PRKCB: variants seen among roughly 807,000 people sequenced by gnomAD.
PRKCB encodes the protein protein kinase C beta.
In PRKCB, 13 loss-of-function variants were observed where a neutral mutation model predicts 81.5. The observed-to-expected ratio is 0.16, with a 90% confidence interval of 0.10 to 0.25. The LOEUF (loss-of-function observed/expected upper bound fraction) is 0.25. Among genes scored for constraint, PRKCB ranks in the 10% least tolerant of loss-of-function variants. The pLI is 1.00. For synonymous variants in PRKCB, 335 were observed against 321.4 expected (o/e 1.04, Z -0.45); for missense variants, 509 against 875.7 (o/e 0.58, Z 5.29).
intron 9 of PRKCB, among the ~76,000 whole-genome samples, chr16:24,134,396 G>C (rs1966858443): frequency 6.6e-6 from 1 of 152,078 alleles, no homozygotes; most frequent in African/African-American, 2.4e-5. Flanking sequence ...AGGAGTTCAA[G>C]ACCAGCCCAG....
chr16:24,060,496 T>G (rs1047677097), intron 5 of PRKCB, among the ~76,000 whole-genome samples: 1 of 152,198 alleles, frequency 6.6e-6, no homozygotes, highest in Non-Finnish European at 1.5e-5. Context: ...CTACAATGTT[T>G]CCTTGTGTAG....
At chr16:23,855,779 A>G (rs1352333013) in intron 2 of PRKCB, among the ~76,000 whole-genome samples, 1 of 152,226 alleles carries the variant, frequency 6.6e-6, no homozygotes, top group Non-Finnish European at 1.5e-5. Context: ...GCCCTTCAGA[A>G]CTGGGACAAG....
Position 23,836,151 on chromosome 16 carries a change from C to G in PRKCB, c.-25C>G, listed in dbSNP as rs188342168. 6.9e-7 allele frequency: 1 copy of G among 1,452,410 alleles called. No homozygotes were observed. Among genetic ancestry groups the G allele is most frequent in the African/African-American group, 1.5e-5 (1 of 66,998 alleles). 90.0% of individuals were successfully genotyped at this position (1,452,410 alleles called of 1,614,324 possible). ...CCGCGGCCCCGGGGCCGGCACCTCT[C>G]GGGCTCCGGCTCCCCGCGCGCAAGA... On this transcript the variant is annotated 5_prime_UTR_variant, in exon 1 of 17. Coordinates refer to ENST00000643927, the MANE Select transcript of PRKCB (RefSeq NM_002738.7).
At chr16:24,045,392 T>G (rs966257641) in intron 5 of PRKCB, among the ~76,000 whole-genome samples, 1 of 152,172 alleles carries the variant, frequency 6.6e-6, no homozygotes, top group African/African-American at 2.4e-5. Context: ...TTGATGTTTT[T>G]TGCCTTCTTT....
At chr16:23,969,114 G>A (rs1171919416) in intron 2 of PRKCB, among the ~76,000 whole-genome samples, 1 of 152,152 alleles carries the variant, frequency 6.6e-6, no homozygotes, top group Non-Finnish European at 1.5e-5. Flanking sequence ...AGGTTGCAGT[G>A]AGCTGAGATC....
intron 2 of PRKCB, among the ~76,000 whole-genome samples, chr16:23,952,771 A>C (rs120908): frequency 0.55 from 83,000 of 152,048 alleles, 23,516 homozygotes; most frequent in Non-Finnish European, 0.63. Flanking sequence ...AATGTGTGAA[A>C]AAATAGTAAA....
intron 5 of PRKCB, among the ~76,000 whole-genome samples, chr16:24,087,398 A>G (rs1486991044): frequency 1.3e-5 from 2 of 152,182 alleles, no homozygotes; most frequent in African/African-American, 4.8e-5. Flanking sequence ...TGCGCCATAT[A>G]TTATTTACTG....
At chr16:23,943,042 A>C (rs1410776067) in intron 2 of PRKCB, among the ~76,000 whole-genome samples, 5 of 152,194 alleles carry the variant, frequency 3.3e-5, no homozygotes, top group African/African-American at 1.2e-4. Flanking sequence ...AAAACCCAGG[A>C]AAGAGGGACT....
At chr16:24,129,608 T>C (rs1966850292) in intron 9 of PRKCB, among the ~76,000 whole-genome samples, 5 of 152,100 alleles carry the variant, frequency 3.3e-5, no homozygotes, top group Admixed American at 3.3e-4. Context: ...TATCTACCCA[T>C]CATCTATCTA....
chr16:23,974,542 G>T (rs1479931136), intron 2 of PRKCB, among the ~76,000 whole-genome samples: 2 of 152,198 alleles, frequency 1.3e-5, no homozygotes, highest in African/African-American at 4.8e-5. Context: ...CGCAGTTGAA[G>T]AACTCTAATG....
At chr16:24,174,683 GA>G in intron 12 of PRKCB, 103 bp downstream of exon 12, 1 of 1,108,084 alleles carries the variant, frequency 9.0e-7, no homozygotes. Flanking sequence ...CGCGGTGGGG[GA>G]GGAATCCTCC....
At chr16:23,886,363 C>A (rs192219392) in intron 2 of PRKCB, among the ~76,000 whole-genome samples, 3 of 148,614 alleles carry the variant, frequency 2.0e-5, no homozygotes, top group African/African-American at 7.5e-5. Flanking sequence ...GTCATCTTTA[C>A]CTCTTAGAGT....
At chr16:24,102,178 T>G (rs985640717) in intron 7 of PRKCB, among the ~76,000 whole-genome samples, 3 of 152,196 alleles carry the variant, frequency 2.0e-5, no homozygotes, top group African/African-American at 7.2e-5. Flanking sequence ...GTACTACAGC[T>G]TTCACAGCAG....
At chr16:23,860,287 T>G (rs573628682) in intron 2 of PRKCB, among the ~76,000 whole-genome samples, 2 of 152,176 alleles carry the variant, frequency 1.3e-5, no homozygotes, top group Admixed American at 1.3e-4. Flanking sequence ...AGTCCGGGTT[T>G]GGGTGCTTGA....
chr16:23,995,428 G>A (rs1175071264), intron 3 of PRKCB, among the ~76,000 whole-genome samples: 2 of 152,188 alleles, frequency 1.3e-5, no homozygotes, highest in African/African-American at 4.8e-5. Flanking sequence ...AGCCTTTATA[G>A]GTGAATTGAA....
intron 2 of PRKCB, among the ~76,000 whole-genome samples, chr16:23,958,942 C>G (rs1255277853): frequency 6.6e-6 from 1 of 152,128 alleles, no homozygotes; most frequent in Non-Finnish European, 1.5e-5. Context: ...TTGTTCAAAT[C>G]CTGGTTTTAC....
At chr16:24,029,796 T>G (rs1310653633) in intron 3 of PRKCB, among the ~76,000 whole-genome samples, 4 of 152,224 alleles carry the variant, frequency 2.6e-5, no homozygotes, top group African/African-American at 9.6e-5. Flanking sequence ...AATGGATGAA[T>G]GAAGGAAGGA....
rs897375306 is a variant in PRKCB, at chr16:24,172,447, G to A, written c.1331+86G>A. On this transcript the variant is annotated intron_variant, in intron 11 of 16. Coordinates refer to ENST00000643927, the MANE Select transcript of PRKCB (RefSeq NM_002738.7). ...TTGAGGGTGTTTTTTTGCCAAAGAG[G>A]GATCTTTAAACACCTCGGGCATCTT... is the stretch of plus-strand genomic sequence containing the variant. 1.4e-5 allele frequency: 16 copies of A among 1,167,162 alleles called. No individual in the cohort carries two copies. The East Asian group carries it at 3.8e-4, about 28-fold the overall frequency. The allele number at this position is 1,167,162 out of a possible 1,614,324, so 72.3% of individuals were successfully genotyped here.
At chr16:24,050,822 G>A (rs1476678367) in intron 5 of PRKCB, among the ~76,000 whole-genome samples, 1 of 152,108 alleles carries the variant, frequency 6.6e-6, no homozygotes, top group Non-Finnish European at 1.5e-5. Flanking sequence ...GGGGGTCTGG[G>A]GGTACCACCA....
Sources: allele counts gnomAD v4.1 joint callset (sites outside exome capture counted in the v4.1 genomes callset), GRCh38; gene constraint gnomAD v4.1.1; transcripts MANE v1.5; gene names NCBI Gene and HGNC (gene_info 2026-07-23, HGNC 2026-07-21).